Variants in TUSC3 observed in about 807,000 individuals in gnomAD.
TUSC3 encodes the protein dolichyl-diphosphooligosaccharide--protein glycosyltransferase subunit TUSC3.
In TUSC3, 45 loss-of-function variants were observed where a neutral mutation model predicts 44.8. The observed-to-expected ratio is 1.00, with a 90% CI of 0.79 to 1.29. The LOEUF is 1.29. Ranked by LOEUF, TUSC3 falls within the 50% of genes most tolerant of loss-of-function variation. The pLI, the probability that TUSC3 is intolerant of heterozygous loss-of-function variation, is 0.00. For synonymous variants in TUSC3, 212 were observed against 152.9 expected, an observed-to-expected ratio of 1.39 and a Z score of -2.85; for missense variants, 519 against 437.9, an observed-to-expected ratio of 1.19 and a Z score of -1.65.
downstream of TUSC3, among the ~76,000 whole-genome samples, chr8:15,768,474 A>G (rs1441857896): frequency 2.0e-5 from 3 of 152,192 alleles, no homozygotes; most frequent in Non-Finnish European, 4.4e-5. Flanking sequence ...ACTGACCCTG[A>G]GGCAGCACAG....
Position 15,650,856 on chromosome 8 carries a change from T to C in TUSC3, c.426+42T>C, listed in dbSNP as rs199577571. 211 of 1,575,966 alleles carry C rather than the reference T, an allele frequency of 1.3e-4. No individual in the cohort carries two copies. In the African/African-American group the frequency reaches 2.6e-3, roughly 20 times the overall value. ...TATTCATATATTTAACATAGTTGTT[T>C]GTGGTCGATACATTTTTGTTTGTCA... On this transcript the variant is annotated intron_variant, in intron 3 of 10. Coordinates refer to ENST00000503731, the MANE Select transcript of TUSC3 (RefSeq NM_006765.4).
chr8:15,570,297 C>A (rs1365459528), intron 1 of TUSC3, among the ~76,000 whole-genome samples: 1 of 151,060 alleles, frequency 6.6e-6, no homozygotes, highest in African/African-American at 2.5e-5. Context: ...CACACACACA[C>A]ACACACTCTT....
At chr8:15,568,230 C>T (rs1438861682) in intron 1 of TUSC3, among the ~76,000 whole-genome samples, 2 of 151,984 alleles carry the variant, frequency 1.3e-5, no homozygotes, top group African/African-American at 4.8e-5. Context: ...AGATGCTAAG[C>T]AAAAAACACA....
At chr8:15,649,897 G>A (rs1453002727) in intron 2 of TUSC3, among the ~76,000 whole-genome samples, 1 of 152,100 alleles carries the variant, frequency 6.6e-6, no homozygotes, top group South Asian at 2.1e-4. Context: ...CAACCATACT[G>A]AAGAAGCAAT....
intron 6 of TUSC3, among the ~76,000 whole-genome samples, chr8:15,727,281 T>C (rs546201909): frequency 6.6e-6 from 1 of 152,302 alleles, no homozygotes; most frequent in African/African-American, 2.4e-5. Flanking sequence ...CTTAAGACTT[T>C]TGCAATACTT....
At chr8:15,528,613 C>T (rs1024070759) in intron 2 of TUSC3, among the ~76,000 whole-genome samples, 10 of 152,332 alleles carry the variant, frequency 6.6e-5, no homozygotes, top group African/African-American at 2.4e-4. Context: ...CCTGGCTTCA[C>T]GGCTACCTTT....
At chr8:15,501,098 T>A (rs1271692003) in intron 2 of TUSC3, among the ~76,000 whole-genome samples, 1 of 152,152 alleles carries the variant, frequency 6.6e-6, no homozygotes. Context: ...ACTGTAAACA[T>A]TTGGCCCCTA....
intron 2 of TUSC3, among the ~76,000 whole-genome samples, chr8:15,642,203 AAGAT>A (rs962995322): frequency 2.0e-5 from 3 of 152,206 alleles, no homozygotes; most frequent in African/African-American, 4.8e-5. Context: ...GTAGTATCAC[AAGAT>A]AGATCTCTCT....
At chr8:15,473,584 T>A (rs892088181) in intron 1 of TUSC3, among the ~76,000 whole-genome samples, 1 of 151,698 alleles carries the variant, frequency 6.6e-6, no homozygotes, top group African/African-American at 2.4e-5. Context: ...AGAGAAAGAG[T>A]ACAAAGAGAG....
At chr8:15,665,604 C>G (rs747170349) in intron 5 of TUSC3, among the ~76,000 whole-genome samples, 5 of 150,516 alleles carry the variant, frequency 3.3e-5, no homozygotes, top group Non-Finnish European at 7.4e-5. Flanking sequence ...AATTTCCTGA[C>G]ATAGGAAATT....
intron 3 of TUSC3, 170 bp downstream of exon 3, chr8:15,650,984 T>TACACACACAC (rs3070913): frequency 1.0e-4 from 51 of 501,986 alleles, no homozygotes; most frequent in African/African-American, 9.3e-4. Flanking sequence ...GCAAGACTTT[T>TACACACACAC]ACACACACAC....
chr8:15,816,998 C>G, the TUSC3 span, among the ~76,000 whole-genome samples: 1 of 152,052 alleles, frequency 6.6e-6, no homozygotes, highest in East Asian at 1.9e-4. Context: ...ATGTGAAGGC[C>G]AGAAACTGAA....
At chr8:15,815,736 G>C in the TUSC3 span, among the ~76,000 whole-genome samples, 1 of 152,078 alleles carries the variant, frequency 6.6e-6, no homozygotes, top group African/African-American at 2.4e-5. Context: ...TGAACAATGA[G>C]TTCAAATCTC....
At chr8:15,457,874 AG>A (rs1357692520) in intron 1 of TUSC3, among the ~76,000 whole-genome samples, 7 of 44,080 alleles carry the variant, frequency 1.6e-4, no homozygotes, top group African/African-American at 3.6e-4. Flanking sequence ...TAAATTAATT[AG>A]ATAATTACTA....
At chr8:15,512,382 A>G (rs113498814) in intron 2 of TUSC3, among the ~76,000 whole-genome samples, 6,439 of 152,250 alleles carry the variant, frequency 0.042, 421 homozygotes, top group African/African-American at 0.14. Context: ...TTGGGCCAGA[A>G]CTGCACCTCT....
chr8:15,539,019 A>AT (rs1180384228), upstream of TUSC3, among the ~76,000 whole-genome samples: 1,216 of 143,144 alleles, frequency 8.5e-3, 17 homozygotes, highest in African/African-American at 0.026. Context: ...CCAGCTGTTA[A>AT]TTTTTTTTTT....
At chr8:15,708,438 G>GTT (rs1809708938) in intron 6 of TUSC3, among the ~76,000 whole-genome samples, 1 of 151,882 alleles carries the variant, frequency 6.6e-6, no homozygotes, top group African/African-American at 2.4e-5. Flanking sequence ...AAAACTGAAA[G>GTT]ACTTAAAAGA....
chr8:15,504,070 C>G (rs1361131373), intron 2 of TUSC3, among the ~76,000 whole-genome samples: 1 of 151,770 alleles, frequency 6.6e-6, no homozygotes, highest in Admixed American at 6.6e-5. Context: ...TTTATCCTAT[C>G]CACTGCTCGC....
At chr8:15,819,660 T>C in the TUSC3 span, among the ~76,000 whole-genome samples, 3 of 152,234 alleles carry the variant, frequency 2.0e-5, no homozygotes, top group Non-Finnish European at 4.4e-5. Flanking sequence ...GCAAAGTATA[T>C]AGAATTAAAA....
Sources: gnomAD v4.1 joint callset for allele counts (sites outside exome capture counted in the v4.1 genomes callset) on GRCh38, gnomAD v4.1.1 for gene constraint, MANE v1.5 for transcripts, NCBI Gene and HGNC (gene_info 2026-07-23, HGNC 2026-07-21) for gene names.